Variants in CACNA2D3 observed in about 807,000 individuals in gnomAD.
The protein encoded by CACNA2D3 is calcium voltage-gated channel auxiliary subunit alpha2delta 3.
Under a neutral mutation model 160.6 loss-of-function variants are expected in CACNA2D3, and 60 were observed. The ratio of observed to expected loss-of-function variants is 0.37; its 90% CI spans 0.30 to 0.46. The LOEUF (loss-of-function observed/expected upper bound fraction) is 0.46. CACNA2D3 is among the 20% of genes least tolerant of loss of function. The probability of loss-of-function intolerance (pLI) is 1.00; values close to 1 mark genes in which losing one functional copy is unlikely to be tolerated. For synonymous variants in CACNA2D3, 558 were observed against 492.9 expected, an observed-to-expected ratio of 1.13 and a Z score of -1.75; for missense variants, 1,205 against 1,365.0, an observed-to-expected ratio of 0.88 and a Z score of 1.85.
chr3:54,548,672 G>C (rs1474131276), intron 5 of CACNA2D3, among the ~76,000 whole-genome samples: 1 of 152,140 alleles, frequency 6.6e-6, no homozygotes, highest in Non-Finnish European at 1.5e-5. Flanking sequence ...AGGATGACAG[G>C]GGATCCTGAT....
chr3:54,911,550 C>A (rs1022002468), intron 27 of CACNA2D3, among the ~76,000 whole-genome samples: 1 of 151,664 alleles, frequency 6.6e-6, no homozygotes, highest in African/African-American at 2.4e-5. Context: ...TACCTACAAC[C>A]AATCTGCCTA....
chr3:55,009,620 C>T (rs1247945897), intron 34 of CACNA2D3, among the ~76,000 whole-genome samples, 177 bp downstream of exon 34: 1 of 152,202 alleles, frequency 6.6e-6, no homozygotes, highest in Non-Finnish European at 1.5e-5. Context: ...TCTAGTCTGA[C>T]ACAGAATTCC....
intron 5 of CACNA2D3, among the ~76,000 whole-genome samples, chr3:54,514,565 G>A (rs1243180401): frequency 6.6e-6 from 1 of 152,184 alleles, no homozygotes; most frequent in Non-Finnish European, 1.5e-5. Context: ...CAGGTCAGTG[G>A]GAAGGCAGGC....
chr3:54,380,361 C>T (rs1267185077), intron 3 of CACNA2D3, among the ~76,000 whole-genome samples: 2 of 152,142 alleles, frequency 1.3e-5, no homozygotes, highest in African/African-American at 2.4e-5. Flanking sequence ...AAGTTCAAGC[C>T]CTGCTGTGTA....
chr3:54,579,154 T>G (rs536821579), intron 8 of CACNA2D3, among the ~76,000 whole-genome samples: 4 of 152,268 alleles, frequency 2.6e-5, no homozygotes, highest in Admixed American at 1.3e-4. Flanking sequence ...TGAGAGGAAG[T>G]AAAACCACGG....
intron 17 of CACNA2D3, among the ~76,000 whole-genome samples, chr3:54,860,154 G>T (rs1393144971): frequency 6.6e-6 from 1 of 152,160 alleles, no homozygotes; most frequent in African/African-American, 2.4e-5. Context: ...AGCTAAGCTG[G>T]ATTCCTTGGG....
intron 3 of CACNA2D3, among the ~76,000 whole-genome samples, chr3:54,349,251 A>C (rs1033395946): frequency 6.6e-6 from 1 of 152,212 alleles, no homozygotes; most frequent in South Asian, 2.1e-4. Context: ...GGCATGAAGC[A>C]GAGCAAGAGG....
rs1181463758 is a variant in CACNA2D3, at chr3:54,500,519, TCCTTC to T, written c.382-2971_382-2967del. Among the ~76,000 whole-genome samples, 286 of 57,920 alleles carry T rather than the reference TCCTTC, an allele frequency of 4.9e-3. 1 individual carries two copies. The highest frequency in any genetic ancestry group is 6.2e-3 in the Non-Finnish European group (133 of 21,348). The allele number at this position is 57,920 out of a possible 152,430, so 38.0% of individuals were successfully genotyped here. A position where few individuals can be genotyped will look rare whatever the true frequency, so the allele number is the denominator to read the frequency against. On this transcript the variant is annotated intron_variant, in intron 4 of 37. Transcript: ENST00000474759. ...TTCCTTCCTATCTTCCTTCCTTCCT[TCCTTC>T]CTTCCTTCCTTCCTTCCTTCCTTCC...
Position 54,453,482 on chromosome 3 carries a change from A to G in CACNA2D3, c.382-50010A>G, listed in dbSNP as rs545537799. On this transcript the variant is annotated intron_variant, in intron 4 of 37. Coordinates refer to ENST00000474759, the MANE Select transcript of CACNA2D3 (RefSeq NM_018398.3). ...TTCGACCTGAAACACCATCCCTCTC[A>G]GGACTTTCTGCTTCCACATTTATAC... Among the ~76,000 whole-genome samples, 346 of 149,378 alleles carry G rather than the reference A, an allele frequency of 2.3e-3. 2 individuals carry two copies. Among genetic ancestry groups the G allele is most frequent in the African/African-American group, 7.9e-3 (323 of 40,796 alleles).
intron 4 of CACNA2D3, among the ~76,000 whole-genome samples, chr3:54,415,132 C>T (rs1158066521): frequency 6.6e-6 from 1 of 152,110 alleles, no homozygotes; most frequent in African/African-American, 2.4e-5. Flanking sequence ...TCCCACAGTA[C>T]ATTTCCATAA....
chr3:54,984,786 G>A (rs1702580524), intron 30 of CACNA2D3, 116 bp downstream of exon 30: 2 of 676,520 alleles, frequency 3.0e-6, no homozygotes, highest in Non-Finnish European at 5.2e-6. Context: ...GGAGGTAATA[G>A]CAGGAGATTA....
chr3:54,608,913 T>C (rs1327505952), intron 9 of CACNA2D3, among the ~76,000 whole-genome samples: 2 of 151,962 alleles, frequency 1.3e-5, no homozygotes. Context: ...TGATCTGGAG[T>C]CTGATACTTG....
chr3:54,471,799 A>G (rs961805246), intron 4 of CACNA2D3, among the ~76,000 whole-genome samples: 1 of 152,218 alleles, frequency 6.6e-6, no homozygotes, highest in African/African-American at 2.4e-5. Flanking sequence ...TAGAAAATCT[A>G]GAAGAAATGC....
intron 11 of CACNA2D3, among the ~76,000 whole-genome samples, chr3:54,718,759 CTG>C (rs1701111549): frequency 6.6e-6 from 1 of 151,984 alleles, no homozygotes; most frequent in African/African-American, 2.4e-5. Context: ...TAAAAATCAA[CTG>C]AAGAAGGATT....
intron 35 of CACNA2D3, among the ~76,000 whole-genome samples, chr3:55,055,091 C>T (rs1242643868): frequency 6.6e-6 from 1 of 152,024 alleles, no homozygotes. Context: ...AAGAAACATG[C>T]TGATTAAAGA....
chr3:54,475,544 G>C (rs1447443274), intron 4 of CACNA2D3, among the ~76,000 whole-genome samples: 1 of 151,964 alleles, frequency 6.6e-6, no homozygotes, highest in Non-Finnish European at 1.5e-5. Flanking sequence ...CAGTTTCTTT[G>C]GGTTCTTCTT....
At chr3:54,871,705 C>A in intron 18 of CACNA2D3, 83 bp downstream of exon 18, 2 of 1,034,922 alleles carry the variant, frequency 1.9e-6, no homozygotes, top group Non-Finnish European at 3.0e-6. Flanking sequence ...CAGGAGTTGG[C>A]CAAGAGGCCC....
intron 11 of CACNA2D3, among the ~76,000 whole-genome samples, chr3:54,745,601 C>T (rs1701740255): frequency 6.6e-6 from 1 of 152,192 alleles, no homozygotes; most frequent in South Asian, 2.1e-4. Flanking sequence ...TAATAAATTG[C>T]ATCACACACC....
chr3:54,537,310 A>G lies in CACNA2D3; in HGVS notation c.545-25490A>G, dbSNP rs894221857. 2.0e-5 allele frequency among the ~76,000 whole-genome samples: 3 copies of G among 152,262 alleles called. No homozygotes were observed. The South Asian group carries it at 6.2e-4, about 32-fold the overall frequency. On this transcript the variant is annotated intron_variant, in intron 5 of 37. Coordinates refer to ENST00000474759, the MANE Select transcript of CACNA2D3 (RefSeq NM_018398.3). ...TGGTGAAGCAAGTGGGCTCTGGACT[A>G]GAGGGCATGGTTAAATTCTTGCCCT... is the stretch of plus-strand genomic sequence containing the variant.
Sources: gnomAD v4.1 joint callset for allele counts (sites outside exome capture counted in the v4.1 genomes callset) on GRCh38, gnomAD v4.1.1 for gene constraint, MANE v1.5 for transcripts, NCBI Gene and HGNC (gene_info 2026-07-23, HGNC 2026-07-21) for gene names.